The following CALCRL variants were observed in gnomAD, a reference collection of about 807,000 sequenced individuals.
CALCRL encodes the protein calcitonin receptor like receptor, also known as calcitonin gene-related peptide type 1 receptor.
Under a neutral mutation model 60.4 loss-of-function variants are expected in CALCRL, and 27 were observed. The ratio of observed to expected loss-of-function variants is 0.45; its 90% confidence interval spans 0.33 to 0.62. The LOEUF is 0.62. Ranked by LOEUF, CALCRL falls within the 20% of genes least tolerant of loss-of-function variation. CALCRL has a pLI of 0.03. For missense variants in CALCRL, 424 were observed against 540.7 expected, an observed-to-expected ratio of 0.78 and a Z score of 2.14; for synonymous variants, 190 against 182.6, an observed-to-expected ratio of 1.04 and a Z score of -0.33.
chr2:187,372,700 G>A (rs1321793555), intron 8 of CALCRL, among the ~76,000 whole-genome samples: 1 of 152,098 alleles, frequency 6.6e-6, no homozygotes, highest in African/African-American at 2.4e-5. Context: ...TTCCCATACC[G>A]AGTAAGCAAG....
At position 187,383,795 on chromosome 2, in the gene CALCRL, A is replaced by G. The variant is rs554191959; in HGVS notation, c.52-490T>C. Reference sequence around the variant, plus strand: ...ATACTTACAATGTATTGCCATTGTCATGATATTTTGATAATCAAAATAATG... The same window carrying G: ...ATACTTACAATGTATTGCCATTGTCGTGATATTTTGATAATCAAAATAATG... On this transcript the variant is annotated intron_variant, in intron 4 of 14. Coordinates refer to ENST00000392370, the MANE Select transcript of CALCRL (RefSeq NM_005795.6). 1.1e-4 allele frequency among the ~76,000 whole-genome samples: 16 copies of G among 152,296 alleles called. 1 individual carries two copies. Among genetic ancestry groups the G allele is most frequent in the Admixed American group, 5.9e-4 (9 of 15,284 alleles).
chr2:187,400,592 A>G (rs1452646671), intron 1 of CALCRL, among the ~76,000 whole-genome samples: 1 of 151,484 alleles, frequency 6.6e-6, no homozygotes, highest in African/African-American at 2.4e-5. Context: ...TATTCTTAGC[A>G]TCATTTATAA....
At chr2:187,400,824 C>T (rs1413500828) in intron 1 of CALCRL, among the ~76,000 whole-genome samples, 1 of 151,164 alleles carries the variant, frequency 6.6e-6, no homozygotes, top group Non-Finnish European at 1.5e-5. Context: ...TACGAAATAT[C>T]CAAAATAGGC....
rs563223135 is a variant in CALCRL, at chr2:187,356,927, G to T, written c.909+2136C>A. Among the ~76,000 whole-genome samples the T allele has an allele frequency of 2.6e-5, 4 of 152,292 alleles. No individual in the cohort carries two copies. The South Asian group carries it at 8.3e-4, about 32-fold the overall frequency. ...AAGCTAATCATGACTGGTCATTAGA[G>T]AAATGCAAATCAAAACCACAATGAG... is the stretch of plus-strand genomic sequence containing the variant. On this transcript the variant is annotated intron_variant, in intron 12 of 14. Transcript: ENST00000392370.
intron 1 of CALCRL, among the ~76,000 whole-genome samples, chr2:187,444,126 C>G (rs41393945): frequency 0.069 from 10,484 of 151,476 alleles, 494 homozygotes; most frequent in East Asian, 0.19. Flanking sequence ...ATGATATGCT[C>G]AAAATTCACC....
intron 1 of CALCRL, among the ~76,000 whole-genome samples, chr2:187,443,042 C>G (rs1574334591): frequency 6.6e-6 from 1 of 151,704 alleles, no homozygotes; most frequent in South Asian, 2.1e-4. Context: ...GTTTAATATA[C>G]CTTTTTAAAT....
intron 4 of CALCRL, 84 bp downstream of exon 4, chr2:187,385,461 C>G (rs1688166645): frequency 1.4e-6 from 1 of 697,006 alleles, no homozygotes; most frequent in African/African-American, 1.9e-5. Context: ...ATTTCTGTAT[C>G]TAGTAACTTC....
At chr2:187,386,512 G>A (rs933563191) in intron 3 of CALCRL, among the ~76,000 whole-genome samples, 6 of 151,970 alleles carry the variant, frequency 3.9e-5, no homozygotes, top group African/African-American at 9.7e-5. Context: ...GAAGAGTATC[G>A]AATAAAATAT....
At chr2:187,409,988 T>A (rs554833724) in intron 1 of CALCRL, among the ~76,000 whole-genome samples, 1 of 152,134 alleles carries the variant, frequency 6.6e-6, no homozygotes, top group Non-Finnish European at 1.5e-5. Context: ...GTTTGATGAC[T>A]TGTTAAAGAC....
At chr2:187,431,345 T>G (rs531704111) in intron 1 of CALCRL, 2 of 155,200 alleles carry the variant, frequency 1.3e-5, no homozygotes, top group Non-Finnish European at 2.9e-5. Flanking sequence ...CACAAGTGGT[T>G]GGTGTATCAT....
At chr2:187,347,059 G>A (rs919480018) in intron 14 of CALCRL, among the ~76,000 whole-genome samples, 2 of 151,732 alleles carry the variant, frequency 1.3e-5, no homozygotes, top group African/African-American at 4.8e-5. Flanking sequence ...TTATATATTT[G>A]AATCCTCTTC....
rs1686251724 is a variant in CALCRL, at chr2:187,345,937, G to T, written c.*247C>A. ...TCCAATTCCACACTTGGTGATGTCA[G>T]GTTAGTAGCGTCACATCAGGCATAG... On this transcript the variant is annotated 3_prime_UTR_variant, in exon 15 of 15. Coordinates refer to ENST00000392370, the MANE Select transcript of CALCRL (RefSeq NM_005795.6). The T allele has an allele frequency of 3.0e-6, 1 of 337,630 alleles. No individual in the cohort carries two copies. The highest frequency in any genetic ancestry group is 5.4e-6 in the Non-Finnish European group (1 of 185,838). 20.9% of individuals were successfully genotyped at this position (337,630 alleles called of 1,614,324 possible). A position where few individuals can be genotyped will look rare whatever the true frequency, so the allele number is the denominator to read the frequency against.
At chr2:187,410,602 G>A (rs1451454949) in intron 1 of CALCRL, among the ~76,000 whole-genome samples, 2 of 152,160 alleles carry the variant, frequency 1.3e-5, no homozygotes, top group African/African-American at 2.4e-5. Context: ...AGACAGTGGA[G>A]GAAAGTATTG....
intron 8 of CALCRL, among the ~76,000 whole-genome samples, chr2:187,376,240 G>GT (rs1269990341): frequency 2.6e-5 from 4 of 151,710 alleles, no homozygotes; most frequent in Admixed American, 1.3e-4. Context: ...AGTTATATTC[G>GT]TTTTTTTAAA....
At chr2:187,435,186 TGTATA>T (rs1690578427) in intron 1 of CALCRL, among the ~76,000 whole-genome samples, 1 of 152,174 alleles carries the variant, frequency 6.6e-6, no homozygotes, top group Non-Finnish European at 1.5e-5. Flanking sequence ...TTCTGCAGGC[TGTATA>T]AGCATGGCTC....
chr2:187,401,003 T>A (rs1467518016), intron 1 of CALCRL, among the ~76,000 whole-genome samples: 2 of 151,522 alleles, frequency 1.3e-5, no homozygotes, highest in Non-Finnish European at 3.0e-5. Flanking sequence ...ATTGTATTCT[T>A]TTTTCCTTTA....
intron 14 of CALCRL, among the ~76,000 whole-genome samples, chr2:187,349,238 C>G (rs138278190): frequency 6.6e-6 from 1 of 151,578 alleles, no homozygotes; most frequent in Non-Finnish European, 1.5e-5. Context: ...TCTGAGGGCA[C>G]TAGGGATAAA....
intron 8 of CALCRL, among the ~76,000 whole-genome samples, chr2:187,376,099 C>G (rs1687745643): frequency 6.6e-6 from 1 of 152,078 alleles, no homozygotes; most frequent in Admixed American, 6.6e-5. Flanking sequence ...CTGTTTCATT[C>G]ATAGATTCTT....
Position 187,344,141 on chromosome 2 carries a change from A to G in CALCRL, c.*2043T>C, listed in dbSNP as rs1011126808. On this transcript the variant is annotated 3_prime_UTR_variant, in exon 15 of 15. Coordinates refer to ENST00000392370, the MANE Select transcript of CALCRL (RefSeq NM_005795.6). ...TTGAATAATAAATAGCTAATAATTG[A>G]GTTTATTAAAATGAATTTTTGTATA... 1 of 151,612 alleles carries G rather than the reference A, an allele frequency of 6.6e-6. No individual in the cohort carries two copies. Among genetic ancestry groups the G allele is most frequent in the Non-Finnish European group, 1.5e-5 (1 of 67,660 alleles). The allele number at this position is 151,612 out of a possible 1,614,324, so 9.4% of individuals were successfully genotyped here.
Sources: allele counts gnomAD v4.1 joint callset (sites outside exome capture counted in the v4.1 genomes callset), GRCh38; gene constraint gnomAD v4.1.1; transcripts MANE v1.5; gene names NCBI Gene and HGNC (gene_info 2026-07-23, HGNC 2026-07-21).